Variants in RHEX observed in about 807,000 individuals in gnomAD.
The protein encoded by RHEX is regulator of hemoglobinization and erythroid cell expansion protein.
In RHEX, 18 loss-of-function variants were observed where a neutral mutation model predicts 20.1. That is an observed-to-expected ratio of 0.90 (90% confidence interval 0.62 to 1.33). The LOEUF (loss-of-function observed/expected upper bound fraction) is 1.33. Among genes scored for constraint, RHEX ranks in the 40% most tolerant of loss-of-function variants. RHEX has a pLI of 0.00. For missense variants in RHEX, 192 were observed against 214.3 expected (o/e 0.90, Z 0.65); for synonymous variants, 87 against 77.1 (o/e 1.13, Z -0.67).
intron 1 of RHEX, among the ~76,000 whole-genome samples, chr1:206,076,086 T>C (rs1052486152): frequency 3.3e-5 from 5 of 152,062 alleles, no homozygotes; most frequent in Admixed American, 6.5e-5. Flanking sequence ...CAAAAACTTG[T>C]TGTTTTCTGT....
chr1:206,072,300 G>T (rs1662551085), intron 1 of RHEX, among the ~76,000 whole-genome samples: 1 of 152,196 alleles, frequency 6.6e-6, no homozygotes. Flanking sequence ...AATGGGCCGG[G>T]CGCGGTTGTT....
Position 206,090,813 on chromosome 1 carries a change from T to C in RHEX, c.-96-6920T>C, listed in dbSNP as rs562624340. ...TTGTTGTAGTTGCTAAATCTCATGG[T>C]ATTTTTCCCCATTTTATTTTATGTC... On this transcript the variant is annotated intron_variant, in intron 1 of 5. Coordinates refer to ENST00000331555, the MANE Select transcript of RHEX (RefSeq NM_001007544.4). Among the ~76,000 whole-genome samples, 21 of 152,242 alleles carry C rather than the reference T, an allele frequency of 1.4e-4. No homozygotes were observed. The South Asian group carries it at 4.3e-3, about 32-fold the overall frequency.
chr1:206,063,960 A>C (rs1335953596), intron 1 of RHEX, among the ~76,000 whole-genome samples: 6 of 124,346 alleles, frequency 4.8e-5, no homozygotes, highest in African/African-American at 9.3e-5. Flanking sequence ...CGCCTCTTCC[A>C]GGCCGCCATC....
chr1:206,082,024 A>T (rs536356963), intron 1 of RHEX, among the ~76,000 whole-genome samples: 1 of 152,328 alleles, frequency 6.6e-6, no homozygotes, highest in Admixed American at 6.5e-5. Flanking sequence ...AAATCACTCC[A>T]CATGGCTCCC....
At chr1:206,065,152 G>C (rs1330049787) in intron 1 of RHEX, among the ~76,000 whole-genome samples, 2 of 152,042 alleles carry the variant, frequency 1.3e-5, no homozygotes, top group African/African-American at 4.8e-5. Flanking sequence ...AAGGCCGCAG[G>C]GTCTTCTGCC....
Position 206,101,178 on chromosome 1 carries a change from G to A in RHEX, c.299G>A (p.Ser100Asn). The part of the protein sequence containing the change: ...TPSDSLDSSC[S>N]SPPACQATED... ...TCAGATAGCTTGGATAGCTCCTGCA[G>A]TTCGCCTCCTGCCTGCCAGGTAATG... Residue 100 changes from serine to asparagine, a missense_variant, in exon 5 of 6, where the codon AGT (serine) becomes AAT (asparagine). Transcript: ENST00000331555. 1.2e-6 allele frequency: 2 copies of A among 1,612,810 alleles called. No homozygotes were observed. Among genetic ancestry groups the A allele is most frequent in the Non-Finnish European group, 1.7e-6 (2 of 1,179,446 alleles).
Position 206,067,307 on chromosome 1 carries a change from C to T in RHEX, c.-97+14042C>T, listed in dbSNP as rs1187712682. On this transcript the variant is annotated intron_variant, in intron 1 of 5. Transcript: ENST00000331555. This position sits in a 1 kb window ranked among gnomAD's most constrained non-coding sequence, Gnocchi z 4.6. ...GACTCCAGAACGTGATTCCCGGTCT[C>T]TCCACCTTAATCCTGTCATCATCCT... Among the ~76,000 whole-genome samples the T allele has an allele frequency of 6.6e-6, 1 of 152,160 alleles. No homozygotes were observed. Among genetic ancestry groups the T allele is most frequent in the Non-Finnish European group, 1.5e-5 (1 of 68,020 alleles).
intron 1 of RHEX, among the ~76,000 whole-genome samples, chr1:206,064,612 A>C: frequency 7.3e-6 from 1 of 137,062 alleles, no homozygotes; most frequent in African/African-American, 2.8e-5. Context: ...GGAAGTGAGG[A>C]GCCCCTCTGC....
chr1:206,065,928 AG>A (rs1192335047), intron 1 of RHEX, among the ~76,000 whole-genome samples: 2 of 152,230 alleles, frequency 1.3e-5, no homozygotes, highest in African/African-American at 2.4e-5. Flanking sequence ...TGCTTTAGCC[AG>A]GACTGGGCTT....
At chr1:206,098,216 C>G in intron 3 of RHEX, 35 bp downstream of exon 3, 1 of 1,421,884 alleles carries the variant, frequency 7.0e-7, no homozygotes. Context: ...CTCCTAGTCA[C>G]TCTCAGAGAC....
At chr1:206,095,385 A>G (rs1358892425) in intron 1 of RHEX, among the ~76,000 whole-genome samples, 2 of 131,548 alleles carry the variant, frequency 1.5e-5, no homozygotes, top group African/African-American at 7.7e-5. Flanking sequence ...TATTAAGAGT[A>G]AAAAAATAGC....
intron 1 of RHEX, among the ~76,000 whole-genome samples, chr1:206,068,368 A>G (rs1311164077): frequency 6.6e-6 from 1 of 152,204 alleles, no homozygotes; most frequent in Non-Finnish European, 1.5e-5. Context: ...AGGGGCTAAA[A>G]TTATGGAGAT....
chr1:206,064,451 C>G (rs1224310893), intron 1 of RHEX, among the ~76,000 whole-genome samples: 1 of 63,814 alleles, frequency 1.6e-5, no homozygotes, highest in Non-Finnish European at 2.8e-5. Flanking sequence ...GGGGTCAGCC[C>G]CCCGCCCGAC....
chr1:206,091,537 C>A (rs1209800522), intron 1 of RHEX, among the ~76,000 whole-genome samples: 1 of 152,106 alleles, frequency 6.6e-6, no homozygotes, highest in Non-Finnish European at 1.5e-5. Flanking sequence ...TGGCACTTTA[C>A]CAAGATCATA....
At chr1:206,087,615 G>A (rs1386831704) in intron 1 of RHEX, among the ~76,000 whole-genome samples, 1 of 152,114 alleles carries the variant, frequency 6.6e-6, no homozygotes, top group African/African-American at 2.4e-5. Flanking sequence ...CCATGTGCAT[G>A]GACCACTCGA....
At chr1:206,055,040 A>G (rs892331449) in intron 1 of RHEX, among the ~76,000 whole-genome samples, 3 of 152,296 alleles carry the variant, frequency 2.0e-5, no homozygotes, top group Non-Finnish European at 2.9e-5. Context: ...TGCACATGGC[A>G]GGCCAGAGGC....
chr1:206,083,259 A>G (rs1662773629), intron 1 of RHEX, among the ~76,000 whole-genome samples: 1 of 152,156 alleles, frequency 6.6e-6, no homozygotes. Context: ...CTGGGACTTG[A>G]TCTTAGGCCT....
intron 1 of RHEX, among the ~76,000 whole-genome samples, chr1:206,064,233 C>G (rs539856876): frequency 6.8e-6 from 1 of 147,638 alleles, no homozygotes; most frequent in African/African-American, 2.6e-5. Context: ...CGTCTCTGCC[C>G]GGCAGCCACC....
chr1:206,084,354 C>T (rs919210379), intron 1 of RHEX, among the ~76,000 whole-genome samples: 4 of 152,086 alleles, frequency 2.6e-5, no homozygotes, highest in South Asian at 2.1e-4. Context: ...TAGTATCTGC[C>T]GAGGACTGTT....
Sources: allele counts gnomAD v4.1 joint callset (sites outside exome capture counted in the v4.1 genomes callset), GRCh38; gene constraint gnomAD v4.1.1; non-coding constraint Gnocchi (gnomAD v3.1); transcripts MANE v1.5; gene names NCBI Gene and HGNC (gene_info 2026-07-23, HGNC 2026-07-21).